FBXW4: variants seen among roughly 807,000 people sequenced by gnomAD.
FBXW4 encodes the protein F-box and WD repeat domain containing 4, also known as F-box/WD repeat-containing protein 4.
In FBXW4, 40 loss-of-function variants were observed where a neutral mutation model predicts 61.8. That is an observed-to-expected ratio of 0.65 (90% CI 0.50 to 0.84). The LOEUF (loss-of-function observed/expected upper bound fraction) is 0.84, where lower values mean the gene tolerates loss of function less well. Among genes scored for constraint, FBXW4 ranks in the 40% least tolerant of loss-of-function variants. The pLI, the probability that FBXW4 is intolerant of heterozygous loss-of-function variation, is 0.00. For synonymous variants in FBXW4, 311 were observed against 313.8 expected (o/e 0.99, Z 0.10); for missense variants, 672 against 753.8 (o/e 0.89, Z 1.27).
chr10:101,673,132 C>A (rs890236115), intron 3 of FBXW4, 85 bp from the exon 4 acceptor site: 3 of 1,510,344 alleles, frequency 2.0e-6, no homozygotes, highest in Admixed American at 2.1e-5. Flanking sequence ...CAGCCCAAGT[C>A]TCCAGTGACA....
rs149791990 is a variant in FBXW4 at position 101,612,823 on chromosome 10, G to GCACA, written c.1302-350_1302-347dup. ...GCCCCCCTCACATTCACATGCACATGCACACACACACACACACTTGGTTAC... is the reference window on the plus strand; with the variant it reads ...GCCCCCCTCACATTCACATGCACATGCACACACACACACACACACACTTGGTTAC... On this transcript the variant is annotated intron_variant, in intron 6 of 8. Transcript: ENST00000331272. 6.6e-5 allele frequency among the ~76,000 whole-genome samples: 10 copies of GCACA among 150,744 alleles called. No homozygotes were observed. The South Asian group carries it at 1.5e-3, about 22-fold the overall frequency.
At chr10:101,661,184 T>C (rs2064240022) in intron 5 of FBXW4, among the ~76,000 whole-genome samples, 1 of 152,206 alleles carries the variant, frequency 6.6e-6, no homozygotes, top group South Asian at 2.1e-4. Flanking sequence ...TAGGGTTTCA[T>C]GTAAGTCGGC....
At chr10:101,627,277 T>A (rs2063915105) in intron 5 of FBXW4, among the ~76,000 whole-genome samples, 1 of 152,110 alleles carries the variant, frequency 6.6e-6, no homozygotes, top group Non-Finnish European at 1.5e-5. Flanking sequence ...ACCTAACCAC[T>A]ATGAATCAAG....
chr10:101,646,551 C>T (rs1295650005), intron 5 of FBXW4, among the ~76,000 whole-genome samples: 1 of 152,218 alleles, frequency 6.6e-6, no homozygotes, highest in Admixed American at 6.5e-5. Flanking sequence ...GTCAAGGCGC[C>T]TTTGCTTGCT....
chr10:101,695,234 T>C, upstream of FBXW4: 1 of 975,822 alleles, frequency 1.0e-6, no homozygotes, highest in South Asian at 4.7e-5. This position sits in a 1 kb window ranked among gnomAD's most constrained non-coding sequence, Gnocchi z 4.2. Flanking sequence ...GGCACGCCCC[T>C]CACACCTGCA....
intron 5 of FBXW4, among the ~76,000 whole-genome samples, chr10:101,652,943 C>T (rs1328996085): frequency 6.6e-6 from 1 of 152,164 alleles, no homozygotes; most frequent in Non-Finnish European, 1.5e-5. Flanking sequence ...TCCTTTGGTG[C>T]TAATCCCTCA....
At chr10:101,684,835 C>G (rs146792313) in intron 1 of FBXW4, among the ~76,000 whole-genome samples, 3 of 152,306 alleles carry the variant, frequency 2.0e-5, no homozygotes, top group African/African-American at 7.2e-5. Flanking sequence ...TGTTAAATTG[C>G]TTATCCTTTT....
intron 5 of FBXW4, among the ~76,000 whole-genome samples, chr10:101,627,488 C>T (rs2063916668): frequency 6.6e-6 from 1 of 152,190 alleles, no homozygotes; most frequent in Non-Finnish European, 1.5e-5. Flanking sequence ...GTTTTGCACA[C>T]CTTCAACTAC....
At chr10:101,641,676 C>CA in intron 5 of FBXW4, among the ~76,000 whole-genome samples, 1 of 151,782 alleles carries the variant, frequency 6.6e-6, no homozygotes. Flanking sequence ...TGTGTCCCCC[C>CA]AAACCCTCTC....
At chr10:101,684,156 C>T (rs1383803921) in intron 1 of FBXW4, among the ~76,000 whole-genome samples, 2 of 152,110 alleles carry the variant, frequency 1.3e-5, no homozygotes, top group Non-Finnish European at 2.9e-5. Flanking sequence ...TGGAGTCTTG[C>T]TCTGTTGCCC....
chr10:101,629,974 G>A (rs891399625), intron 5 of FBXW4, among the ~76,000 whole-genome samples: 54 of 152,186 alleles, frequency 3.5e-4, no homozygotes, highest in Non-Finnish European at 7.3e-5. Context: ...CGCCCAGCTG[G>A]CCCAGGCCCC....
intron 2 of FBXW4, among the ~76,000 whole-genome samples, chr10:101,675,257 G>T (rs2064396624): frequency 6.6e-6 from 1 of 152,136 alleles, no homozygotes. Context: ...GCGTGAGTGT[G>T]TGGCACACTC....
rs193224290 is a variant in FBXW4, at chr10:101,611,045, G to A, written c.*246C>T. On this transcript the variant is annotated 3_prime_UTR_variant, in exon 9 of 9. Transcript: ENST00000331272. The surrounding 1 kb of genome is among the most constrained non-coding windows in gnomAD (Gnocchi z 4.9). ...CTGGCCAAACAGGGACGCAAGGCCC[G>A]GGTTCAGCCGCACTCTAAAGCAGCA... The A allele has an allele frequency of 2.0e-4, 83 of 420,650 alleles. No homozygotes were observed. The highest frequency in any genetic ancestry group is 1.3e-3 in the Admixed American group (34 of 25,416). The allele number at this position is 420,650 out of a possible 1,614,324, so 26.1% of individuals were successfully genotyped here.
At chr10:101,665,570 A>T (rs1564919958) in intron 5 of FBXW4, among the ~76,000 whole-genome samples, 1 of 152,222 alleles carries the variant, frequency 6.6e-6, no homozygotes, top group Admixed American at 6.5e-5. Flanking sequence ...AGAGCAGATG[A>T]CTACTAAATG....
At position 101,694,465 on chromosome 10, in the gene FBXW4, C is replaced by T. The variant is rs2064651036; in HGVS notation, c.641G>A (p.Arg214Gln). 6.5e-7 allele frequency: 1 copy of T among 1,533,560 alleles called. No individual in the cohort carries two copies. The highest frequency in any genetic ancestry group is 8.7e-7 in the Non-Finnish European group (1 of 1,151,650). The allele number at this position is 1,533,560 out of a possible 1,614,324, so 95.0% of individuals were successfully genotyped here. ...GRLAQVCRWL[R>Q]RFTSCDLLWR... ...GAGCAGATCGCAGCTGGTGAAGCGC[C>T]GCAGCCAGCGGCACACCTGGGCCAG... Residue 214 changes from arginine to glutamine, a missense_variant, in exon 1 of 9, where the codon CGG (arginine) becomes CAG (glutamine). Transcript: ENST00000331272. The surrounding 1 kb of genome is among the most constrained non-coding windows in gnomAD (Gnocchi z 6.0).
intron 1 of FBXW4, among the ~76,000 whole-genome samples, chr10:101,692,874 G>A (rs2064625996): frequency 6.6e-6 from 1 of 151,950 alleles, no homozygotes; most frequent in Non-Finnish European, 1.5e-5. Flanking sequence ...ACAAAAGACT[G>A]GCAGAGCCTA....
intron 1 of FBXW4, among the ~76,000 whole-genome samples, chr10:101,691,717 G>A (rs1235811778): frequency 6.6e-6 from 1 of 152,004 alleles, no homozygotes; most frequent in African/African-American, 2.4e-5. Flanking sequence ...AGCTAGCTTG[G>A]GTTACAGTCA....
At chr10:101,624,264 G>GAAAAATTTTGAAAGTTAAAATTTTC (rs1440727366) in intron 6 of FBXW4, among the ~76,000 whole-genome samples, 5 of 135,514 alleles carry the variant, frequency 3.7e-5, no homozygotes, top group African/African-American at 5.4e-5. Flanking sequence ...TTCAAAATTA[G>GAAAAATTTTGAAAGTTAAAATTTTC]AAAGTTAAAA....
chr10:101,613,583 A>C (rs1036115800), intron 6 of FBXW4, among the ~76,000 whole-genome samples: 13 of 152,192 alleles, frequency 8.5e-5, no homozygotes, highest in Non-Finnish European at 1.8e-4. Flanking sequence ...ATGTCAGCAA[A>C]GGGCTTGAGG....
Sources: allele counts gnomAD v4.1 joint callset (sites outside exome capture counted in the v4.1 genomes callset), GRCh38; gene constraint gnomAD v4.1.1; non-coding constraint Gnocchi (gnomAD v3.1); transcripts MANE v1.5; gene names NCBI Gene and HGNC (gene_info 2026-07-23, HGNC 2026-07-21).